The following NUCB2 variants were observed in gnomAD, a reference collection of about 807,000 sequenced individuals.
NUCB2 encodes the protein nucleobindin-2.
Under a neutral mutation model 57.9 loss-of-function variants are expected in NUCB2, and 48 were observed. That is an observed-to-expected ratio of 0.83 (90% CI 0.66 to 1.05). NUCB2 has a LOEUF of 1.05. Among genes scored for constraint, NUCB2 ranks in the 50% least tolerant of loss-of-function variants. The pLI is 0.00. For missense variants in NUCB2, 442 were observed against 476.2 expected (o/e 0.93, Z 0.67); for synonymous variants, 139 against 152.1 (o/e 0.91, Z 0.64).
chr11:17,291,545 CA>C lies in NUCB2; in HGVS notation c.1-3764del, dbSNP rs61660913. Among the ~76,000 whole-genome samples, 54 of 52,202 alleles carry C rather than the reference CA, an allele frequency of 1.0e-3. 5 individuals are homozygous for C. The highest frequency in any genetic ancestry group is 6.8e-3 in the South Asian group (7 of 1,036). 34.2% of individuals were successfully genotyped at this position (52,202 alleles called of 152,430 possible). ...TGGGTGGCAGAGTAAGACTCTGCATCAAAAAAAAAAAAAAATCAGTCTTTTG... is the reference window on the plus strand; with the variant it reads ...TGGGTGGCAGAGTAAGACTCTGCATCAAAAAAAAAAAAAATCAGTCTTTTG... On this transcript the variant is annotated intron_variant, in intron 2 of 13. Transcript: ENST00000529010.
At chr11:17,287,731 G>A (rs1267309427) in intron 2 of NUCB2, among the ~76,000 whole-genome samples, 1 of 151,936 alleles carries the variant, frequency 6.6e-6, no homozygotes, top group African/African-American at 2.4e-5. Context: ...TAGATGTGGT[G>A]GCTCACTCCT....
At chr11:17,349,432 G>C (rs1028138736) in exon 3 of NUCB2, 12 of 152,200 alleles carry the variant, frequency 7.9e-5, no homozygotes, top group African/African-American at 2.7e-4. Context: ...CTTTGTCCTA[G>C]TGCATGGTTT....
chr11:17,348,576 G>A (rs887907842), intron 2 of NUCB2, among the ~76,000 whole-genome samples: 3 of 151,994 alleles, frequency 2.0e-5, no homozygotes, highest in African/African-American at 7.3e-5. Flanking sequence ...CTGAGCTCAA[G>A]TGATCCTCCT....
intron 4 of NUCB2, among the ~76,000 whole-genome samples, chr11:17,298,476 G>C (rs889786220): frequency 6.6e-6 from 1 of 151,882 alleles, no homozygotes; most frequent in Non-Finnish European, 1.5e-5. Flanking sequence ...GCTGAGGTGG[G>C]AGGATCACTC....
intron 10 of NUCB2, among the ~76,000 whole-genome samples, chr11:17,313,896 C>T (rs1948872115): frequency 6.6e-6 from 1 of 152,056 alleles, no homozygotes; most frequent in Admixed American, 6.6e-5. Context: ...GTGTGGAGCC[C>T]CATGTCTCTA....
intron 1 of NUCB2, among the ~76,000 whole-genome samples, chr11:17,278,947 C>T (rs752249604): frequency 2.0e-5 from 3 of 152,124 alleles, no homozygotes; most frequent in Non-Finnish European, 4.4e-5. Context: ...AATCCCAGCA[C>T]TTTGGGAGGC....
At chr11:17,296,797 C>T (rs984130160) in intron 4 of NUCB2, among the ~76,000 whole-genome samples, 1 of 152,148 alleles carries the variant, frequency 6.6e-6, no homozygotes, top group Non-Finnish European at 1.5e-5. Context: ...ATCACAGTCT[C>T]GTTGACAGAG....
intron 11 of NUCB2, among the ~76,000 whole-genome samples, chr11:17,321,202 A>G (rs1302677215): frequency 4.2e-5 from 6 of 143,996 alleles, no homozygotes; most frequent in Middle Eastern, 3.3e-3. Context: ...TATTCATTCT[A>G]TTTTTTTTTT....
downstream of NUCB2, chr11:17,332,989 G>A: frequency 6.6e-6 from 1 of 152,230 alleles, no homozygotes. Flanking sequence ...TGGGATCACT[G>A]GTGTGAGCCA....
intron 11 of NUCB2, among the ~76,000 whole-genome samples, chr11:17,318,111 C>T (rs981803975): frequency 2.0e-5 from 3 of 151,576 alleles, no homozygotes; most frequent in Admixed American, 1.3e-4. Flanking sequence ...CCTGCCTGGG[C>T]TCAAGTGATT....
At chr11:17,326,628 A>G (rs552820186) in intron 11 of NUCB2, among the ~76,000 whole-genome samples, 159 of 152,062 alleles carry the variant, frequency 1.0e-3, no homozygotes, top group Middle Eastern at 3.4e-3. Flanking sequence ...TGTACTTTTT[A>G]TATCTTATTT....
At chr11:17,318,024 G>A (rs1462934452) in intron 11 of NUCB2, among the ~76,000 whole-genome samples, 2 of 136,958 alleles carry the variant, frequency 1.5e-5, no homozygotes, top group South Asian at 2.3e-4. Flanking sequence ...TAAAGACAGA[G>A]TCTCTCTCTG....
In NUCB2 at chr11:17,279,949, C is replaced by T. The variant is rs1184518790; in HGVS notation, c.-155-2840C>T. Among the ~76,000 whole-genome samples, 3 of 152,084 alleles carry T rather than the reference C, an allele frequency of 2.0e-5. No homozygotes were observed. The East Asian group carries it at 5.8e-4, about 29-fold the overall frequency. On this transcript the variant is annotated intron_variant, in intron 1 of 13. Coordinates refer to ENST00000529010, the MANE Select transcript of NUCB2 (RefSeq NM_005013.4). ...GGACTAAAGGAGCATGCCACCACAC[C>T]CTGCTAATTTTTAAGTATTTTTTTG...
At chr11:17,297,751 AG>A (rs1249574405) in intron 4 of NUCB2, among the ~76,000 whole-genome samples, 2 of 152,236 alleles carry the variant, frequency 1.3e-5, no homozygotes, top group East Asian at 3.9e-4. Context: ...ATGAAGGGTT[AG>A]GGGGAACCAA....
At chr11:17,318,597 C>T (rs1262766839) in intron 11 of NUCB2, among the ~76,000 whole-genome samples, 1 of 152,048 alleles carries the variant, frequency 6.6e-6, no homozygotes, top group Non-Finnish European at 1.5e-5. Flanking sequence ...ATTTTTAAGG[C>T]TTGAACATCC....
In NUCB2 at chr11:17,310,905, G is replaced by A. The variant is rs1305262982; in HGVS notation, c.564G>A (p.Arg188=). 1 of 1,593,720 alleles carries A rather than the reference G, an allele frequency of 6.3e-7. No homozygotes were observed. The highest frequency in any genetic ancestry group is 8.5e-7 in the Non-Finnish European group (1 of 1,172,316). Residue 188 remains arginine, a synonymous_variant, in exon 7 of 14, where the codon AGG becomes AGA. Transcript: ENST00000529010. ...ATGAAATGATGAAGGAACATGAAAG[G>A]AGAGAATATTTAAAAACATTGAATG... The part of the protein sequence containing the change: ...KKYEMMKEHE[R]REYLKTLNEE...
rs1171344273 is a variant in NUCB2, at chr11:17,330,370, C to G, written c.1173+73C>G. 12 of 1,169,458 alleles carry G rather than the reference C, an allele frequency of 1.0e-5. No individual in the cohort carries two copies. The highest frequency in any genetic ancestry group is 1.5e-5 in the Non-Finnish European group (12 of 816,742). The allele number at this position is 1,169,458 out of a possible 1,614,324, so 72.4% of individuals were successfully genotyped here. A position where few individuals can be genotyped will look rare whatever the true frequency, so the allele number is the denominator to read the frequency against. ...TTGTTAAAAGCCTGTGTTTTTGTAA[C>G]ATATTTCATTGTACTATATAGTACA... On this transcript the variant is annotated intron_variant, in intron 12 of 13. Coordinates refer to ENST00000529010, the MANE Select transcript of NUCB2 (RefSeq NM_005013.4). The surrounding 1 kb of genome is among the most constrained non-coding windows in gnomAD (Gnocchi z 4.3).
intron 3 of NUCB2, 192 bp downstream of exon 3, chr11:17,295,659 G>T (rs1466395742): frequency 8.9e-6 from 5 of 564,702 alleles, no homozygotes; most frequent in Non-Finnish European, 1.5e-5. Context: ...AGTGAAAAGA[G>T]TATTGGCCAA....
At position 17,330,263 on chromosome 11, in the gene NUCB2, A is replaced by T; in HGVS notation, c.1139A>T (p.Asp380Val). The change falls in exon 12 of 14, where the codon GAT (aspartate) becomes GTT (valine). Residue 380 changes from aspartate (D) to valine (V), a missense_variant. Physicochemically the swap from Asp to Val is radical, Grantham distance 152. Coordinates refer to ENST00000529010, the MANE Select transcript of NUCB2 (RefSeq NM_005013.4). This position sits in a 1 kb window ranked among gnomAD's most constrained non-coding sequence, Gnocchi z 4.3. ...KQKEELQRQH[D>V]QLEAQKLEYH... ...AAAGAAGAGCTACAACGTCAGCATG[A>T]TCAACTGGAGGCTCAGAAGCTGGAA... 1 of 1,609,216 alleles carries T rather than the reference A, an allele frequency of 6.2e-7. No homozygotes were observed. Among genetic ancestry groups the T allele is most frequent in the Non-Finnish European group, 8.5e-7 (1 of 1,178,860 alleles).
Sources: allele counts gnomAD v4.1 joint callset (sites outside exome capture counted in the v4.1 genomes callset), GRCh38; gene constraint gnomAD v4.1.1; non-coding constraint Gnocchi (gnomAD v3.1); transcripts MANE v1.5; gene names NCBI Gene and HGNC (gene_info 2026-07-23, HGNC 2026-07-21).